The following JARID2 variants were observed in gnomAD, a reference collection of about 807,000 sequenced individuals.
JARID2 encodes the protein protein Jumonji.
In JARID2, 21 loss-of-function variants were observed where a neutral mutation model predicts 125.6. The ratio of observed to expected loss-of-function variants is 0.17; its 90% CI spans 0.12 to 0.24. The LOEUF is 0.24. JARID2 is among the 10% of genes least tolerant of loss of function. JARID2 has a pLI of 1.00. For synonymous variants in JARID2, 736 were observed against 661.6 expected (o/e 1.11, Z -1.73); for missense variants, 1,303 against 1,639.6 (o/e 0.79, Z 3.55).
At position 15,520,208 on chromosome 6, in the gene JARID2, T is replaced by C. The variant is rs1477665046; in HGVS notation, c.3698T>C (p.Leu1233Pro). The C allele has an allele frequency of 1.8e-5, 29 of 1,613,592 alleles. No homozygotes were observed. The highest frequency in any genetic ancestry group is 2.5e-5 in the Non-Finnish European group (29 of 1,179,758). Residue 1233 changes from leucine to proline, a missense_variant, in exon 18 of 18, where the codon CTG (leucine) becomes CCG (proline). Around this residue, in one of 11 missense-constraint regions of JARID2, gnomAD observed 75 missense variants for 66.0 expected, o/e 1.14. Coordinates refer to ENST00000341776, the MANE Select transcript of JARID2 (RefSeq NM_004973.4). ...RATVDVPPSRLSASSSSKSAS... is the reference protein window; with the variant it reads ...RATVDVPPSRPSASSSSKSAS... ...ACAGTGGACGTGCCCCCCTCCCGTCTGTCAGCCTCCAGTTCATCCAAAAGT... is the reference window on the plus strand; with the variant it reads ...ACAGTGGACGTGCCCCCCTCCCGTCCGTCAGCCTCCAGTTCATCCAAAAGT...
At chr6:15,294,548 AC>A (rs1286755668) in intron 1 of JARID2, among the ~76,000 whole-genome samples, 1 of 151,968 alleles carries the variant, frequency 6.6e-6, no homozygotes, top group Admixed American at 6.6e-5. Flanking sequence ...CAGAGTGAAA[AC>A]CTGCTTACCC....
At chr6:15,482,857 A>G (rs1210175788) in intron 5 of JARID2, among the ~76,000 whole-genome samples, 3 of 152,194 alleles carry the variant, frequency 2.0e-5, no homozygotes, top group African/African-American at 7.2e-5. Context: ...CCTTTAACCC[A>G]TGCACTGTTT....
At position 15,522,006 on chromosome 6, in the gene JARID2, AAAC is replaced by A. The variant is rs1349500911; in HGVS notation, c.*1758_*1760del. ...TTTGTACTACAAGGTTTAATAATAA[AAAC>A]AAAGTTTTTTGGACATTTGTCTGTC... On this transcript the variant is annotated 3_prime_UTR_variant, in exon 18 of 18. Coordinates refer to ENST00000341776, the MANE Select transcript of JARID2 (RefSeq NM_004973.4). 3 of 152,340 alleles carry A rather than the reference AAAC, an allele frequency of 2.0e-5. No homozygotes were observed. The highest frequency in any genetic ancestry group is 2.4e-5 in the African/African-American group (1 of 41,572). The allele number at this position is 152,340 out of a possible 1,614,324, so 9.4% of individuals were successfully genotyped here. A position where few individuals can be genotyped will look rare whatever the true frequency, so the allele number is the denominator to read the frequency against.
At chr6:15,284,239 A>G (rs986142083) in intron 1 of JARID2, among the ~76,000 whole-genome samples, 1 of 152,170 alleles carries the variant, frequency 6.6e-6, no homozygotes, top group Non-Finnish European at 1.5e-5. Context: ...TTGATATGGA[A>G]TTTACTTCTC....
At chr6:15,449,625 G>A (rs1767826666) in intron 3 of JARID2, among the ~76,000 whole-genome samples, 4 of 151,970 alleles carry the variant, frequency 2.6e-5, no homozygotes, top group South Asian at 2.1e-4. Context: ...CTATGATAGC[G>A]TCACTGCACT....
chr6:15,332,928 T>C (rs1454061409), intron 1 of JARID2, among the ~76,000 whole-genome samples: 10 of 67,616 alleles, frequency 1.5e-4, no homozygotes, highest in African/African-American at 4.4e-4. Context: ...TTCTTTTCTT[T>C]TCTTTTCTTT....
chr6:15,332,925 CTTTTCTTTTCTTTTTTTTT>C (rs1270655191), intron 1 of JARID2, among the ~76,000 whole-genome samples: 6 of 57,836 alleles, frequency 1.0e-4, no homozygotes, highest in Non-Finnish European at 2.2e-4. Flanking sequence ...CCTTTCTTTT[CTTTTCTTTTCTTTTTTTTT>C]TTTTTTTTTT....
chr6:15,414,620 A>C (rs1470442940), intron 3 of JARID2, among the ~76,000 whole-genome samples: 1 of 152,166 alleles, frequency 6.6e-6, no homozygotes, highest in Non-Finnish European at 1.5e-5. Context: ...CCCCTTCAGA[A>C]TCTGTCTGCT....
chr6:15,287,419 A>G (rs114021990), intron 1 of JARID2, among the ~76,000 whole-genome samples: 1,796 of 152,320 alleles, frequency 0.012, 44 homozygotes, highest in African/African-American at 0.04. Flanking sequence ...AGTGGGTCTA[A>G]TTATTGTAAT....
intron 1 of JARID2, among the ~76,000 whole-genome samples, chr6:15,265,579 T>C (rs758025616): frequency 6.6e-5 from 10 of 152,028 alleles, no homozygotes. Context: ...TCTCTCCCCA[T>C]GGGTACAGAA....
chr6:15,403,990 C>T (rs1765545338), intron 2 of JARID2, among the ~76,000 whole-genome samples: 1 of 152,114 alleles, frequency 6.6e-6, no homozygotes, highest in Admixed American at 6.5e-5. Context: ...AAAGGGGAGC[C>T]CTAGTCGGCT....
chr6:15,472,275 C>T (rs1404658274), intron 5 of JARID2, among the ~76,000 whole-genome samples: 2 of 152,032 alleles, frequency 1.3e-5, no homozygotes, highest in Non-Finnish European at 2.9e-5. Flanking sequence ...CCTGTCTCTT[C>T]TGTCATCCTT....
chr6:15,396,492 T>A (rs1192190040), intron 2 of JARID2, among the ~76,000 whole-genome samples: 1 of 152,224 alleles, frequency 6.6e-6, no homozygotes, highest in African/African-American at 2.4e-5. Flanking sequence ...AAAAAATTCA[T>A]GTAGAATACA....
chr6:15,428,331 C>T (rs934103261), intron 3 of JARID2, among the ~76,000 whole-genome samples: 14 of 151,946 alleles, frequency 9.2e-5, no homozygotes, highest in African/African-American at 2.2e-4. Context: ...AGGTTTGTTA[C>T]GTAATGTATA....
intron 2 of JARID2, among the ~76,000 whole-genome samples, chr6:15,374,539 CA>C (rs1483558969): frequency 2.0e-5 from 3 of 152,218 alleles, no homozygotes; most frequent in African/African-American, 7.2e-5. Flanking sequence ...GGTATGTGAG[CA>C]GAACTCTTTG....
rs1338729272 is a variant in JARID2, at chr6:15,247,570, T to G, written c.45+986T>G. On this transcript the variant is annotated intron_variant, in intron 1 of 17. Transcript: ENST00000341776. ...CAAAAAAGGCCAAATGAACATACCT[T>G]AGGAATAATGCAACGTAAGAGGAAA... 3.0e-6 allele frequency: 3 copies of G among 984,544 alleles called. No homozygotes were observed. The African/African-American group carries it at 5.3e-5, about 17-fold the overall frequency. 61.0% of individuals were successfully genotyped at this position (984,544 alleles called of 1,614,324 possible).
At chr6:15,456,152 ACTTGTGCGT>A (rs565985627) in intron 4 of JARID2, among the ~76,000 whole-genome samples, 66 of 152,346 alleles carry the variant, frequency 4.3e-4, no homozygotes, top group African/African-American at 1.5e-3. Flanking sequence ...TGCTACATGT[ACTTGTGCGT>A]GCACTATCTT....
intron 9 of JARID2, 118 bp from the exon 10 acceptor site, chr6:15,507,018 C>T (rs564722247): frequency 3.6e-5 from 25 of 690,308 alleles, no homozygotes; most frequent in Admixed American, 8.8e-5. Flanking sequence ...GCAAAGAGAG[C>T]GTCTGTTCTG....
intron 5 of JARID2, among the ~76,000 whole-genome samples, chr6:15,472,544 AT>A (rs2127686626): frequency 6.6e-6 from 1 of 152,142 alleles, no homozygotes; most frequent in South Asian, 2.1e-4. Context: ...ATTATGTCGT[AT>A]TTGAATTGTG....
Sources: gnomAD v4.1 joint callset for allele counts (sites outside exome capture counted in the v4.1 genomes callset) on GRCh38, gnomAD v4.1.1 for gene constraint, gnomAD v4.1.1 regional missense constraint, MANE v1.5 for transcripts, NCBI Gene and HGNC (gene_info 2026-07-23, HGNC 2026-07-21) for gene names.